ATP10A: variants seen among roughly 807,000 people sequenced by gnomAD.
The protein encoded by ATP10A is phospholipid-transporting ATPase VA.
In ATP10A, 111 loss-of-function variants were observed where a neutral mutation model predicts 147.8. The ratio of observed to expected loss-of-function variants is 0.75; its 90% CI spans 0.64 to 0.88. The LOEUF (loss-of-function observed/expected upper bound fraction) is 0.88, where lower values mean the gene tolerates loss of function less well. ATP10A is among the 40% of genes least tolerant of loss of function. The pLI is 0.00. For synonymous variants in ATP10A, 875 were observed against 841.6 expected (o/e 1.04, Z -0.69); for missense variants, 1,927 against 1,959.0 (o/e 0.98, Z 0.31).
intron 1 of ATP10A, among the ~76,000 whole-genome samples, chr15:25,851,827 G>A (rs897805578): frequency 7.9e-5 from 12 of 152,152 alleles, no homozygotes; most frequent in African/African-American, 2.9e-4. Flanking sequence ...TATTTTGGGA[G>A]CTGAGGTGGG....
intron 1 of ATP10A, among the ~76,000 whole-genome samples, chr15:25,786,986 T>A (rs1417787277): frequency 6.6e-6 from 1 of 152,058 alleles, no homozygotes; most frequent in Non-Finnish European, 1.5e-5. Context: ...AAAGCTGTGC[T>A]GGATATCCTA....
intron 2 of ATP10A, among the ~76,000 whole-genome samples, chr15:25,764,269 C>G (rs749557399): frequency 1.3e-5 from 2 of 152,164 alleles, no homozygotes; most frequent in Non-Finnish European, 2.9e-5. Context: ...CACCGTGCAG[C>G]GCGGGCTTCC....
chr15:25,851,209 C>T (rs920742843), intron 1 of ATP10A, among the ~76,000 whole-genome samples: 7 of 152,026 alleles, frequency 4.6e-5, no homozygotes, highest in Non-Finnish European at 7.4e-5. Flanking sequence ...GGTCTCTGAG[C>T]GGATCTAAAG....
Position 25,718,366 on chromosome 15 carries a change from G to A in ATP10A, c.1397C>T (p.Ser466Leu). The A allele has an allele frequency of 2.5e-6, 4 of 1,607,410 alleles. No homozygotes were observed. Among genetic ancestry groups the A allele is most frequent in the South Asian group, 1.1e-5 (1 of 90,152 alleles). ...TCTGGGCACCACCTCCTCCTCCTCCGAGTCTGCCTCTTGGTACCTGGCCAG... is the reference window on the plus strand; with the variant it reads ...TCTGGGCACCACCTCCTCCTCCTCCAAGTCTGCCTCTTGGTACCTGGCCAG... ...QRLARYQEAD[S>L]EEEEVVPRGG... The change falls in exon 8 of 21, where the codon TCG (serine) becomes TTG (leucine). Residue 466 changes from serine (S) to leucine (L), a missense_variant. Coordinates refer to ENST00000555815, the MANE Select transcript of ATP10A (RefSeq NM_024490.4).
At chr15:25,799,011 T>C (rs1890815185) in intron 1 of ATP10A, among the ~76,000 whole-genome samples, 1 of 152,212 alleles carries the variant, frequency 6.6e-6, no homozygotes, top group Non-Finnish European at 1.5e-5. Context: ...AAGGTGCCTG[T>C]TTGGCCCCTC....
chr15:25,748,890 A>G (rs1887989537), intron 2 of ATP10A, among the ~76,000 whole-genome samples: 1 of 150,902 alleles, frequency 6.6e-6, no homozygotes, highest in African/African-American at 2.4e-5. Flanking sequence ...CCCCATAGCT[A>G]CTAAAAATAC....
chr15:25,747,041 C>T (rs1212259585), intron 2 of ATP10A, among the ~76,000 whole-genome samples: 1 of 152,172 alleles, frequency 6.6e-6, no homozygotes, highest in Non-Finnish European at 1.5e-5. Context: ...AATCCCTACA[C>T]TTTGGGAGGC....
chr15:25,828,674 T>A (rs7164963), intron 1 of ATP10A, among the ~76,000 whole-genome samples: 140,032 of 152,222 alleles, frequency 0.92, 65,200 homozygotes, highest in Non-Finnish European at 0.99. Context: ...CCCGTATTTG[T>A]TATCATTTGT....
intron 1 of ATP10A, among the ~76,000 whole-genome samples, chr15:25,794,800 G>A (rs956755973): frequency 6.6e-6 from 1 of 152,218 alleles, no homozygotes; most frequent in African/African-American, 2.4e-5. Flanking sequence ...CATGCAGATG[G>A]TCATCTTCTC....
chr15:25,797,060 C>T (rs1441642513), intron 1 of ATP10A, among the ~76,000 whole-genome samples: 1 of 150,810 alleles, frequency 6.6e-6, no homozygotes, highest in Middle Eastern at 3.2e-3. Flanking sequence ...CTGTGCTGTA[C>T]AACAGATCCT....
At chr15:25,765,015 C>T (rs1421527426) in intron 2 of ATP10A, among the ~76,000 whole-genome samples, 2 of 152,164 alleles carry the variant, frequency 1.3e-5, no homozygotes, top group African/African-American at 4.8e-5. Context: ...AGTGAGGATG[C>T]AGGACACACA....
chr15:25,776,728 G>A (rs1889623941), intron 2 of ATP10A, among the ~76,000 whole-genome samples: 2 of 152,216 alleles, frequency 1.3e-5, no homozygotes, highest in South Asian at 4.1e-4. Context: ...TGGGGTCTGG[G>A]TGGGCCATGC....
chr15:25,711,583 A>G (rs1375312981), intron 10 of ATP10A, among the ~76,000 whole-genome samples: 1 of 152,084 alleles, frequency 6.6e-6, no homozygotes, highest in Non-Finnish European at 1.5e-5. Flanking sequence ...TCCAAAGCTG[A>G]CTTCATGCAC....
Position 25,713,792 on chromosome 15 carries a change from G to T in ATP10A, c.2226C>A (p.Phe742Leu). Reference sequence around the variant, plus strand: ...CTGACATCCTCTTGCGGACGGAATCGAAACCCAGTGTGTGCAGGAGCTCGA... The same window carrying T: ...CTGACATCCTCTTGCGGACGGAATCTAAACCCAGTGTGTGCAGGAGCTCGA... ...LTFELLHTLG[F>L]DSVRKRMSVV... The change falls in exon 10 of 21, where the codon TTC becomes TTA. Residue 742 changes from phenylalanine (F) to leucine (L), a missense_variant. Phe to Leu is a conservative substitution (Grantham distance 22, BLOSUM62 0). Transcript: ENST00000555815. 2 of 1,614,134 alleles carry T rather than the reference G, an allele frequency of 1.2e-6. No homozygotes were observed. The highest frequency in any genetic ancestry group is 1.1e-5 in the South Asian group (1 of 91,080).
Position 25,736,209 on chromosome 15 carries a change from C to T in ATP10A, c.655-68G>A, listed in dbSNP as rs551979616. The T allele has an allele frequency of 3.2e-4, 419 of 1,311,228 alleles. 2 individuals carry two copies. The highest frequency in any genetic ancestry group is 2.1e-3 in the Middle Eastern group (8 of 3,888). The allele number at this position is 1,311,228 out of a possible 1,614,324, so 81.2% of individuals were successfully genotyped here. On this transcript the variant is annotated intron_variant, in intron 2 of 20. Coordinates refer to ENST00000555815, the MANE Select transcript of ATP10A (RefSeq NM_024490.4). ...GCTGCGCCGTTCTAAAAGGCACTCG[C>T]TTTTCTGTCTCGCATCCGCGGCAGG...
rs561690286 is a variant in ATP10A, at chr15:25,734,181, G to A, written c.740+1875C>T. Among the ~76,000 whole-genome samples the A allele has an allele frequency of 5.6e-4, 85 of 152,184 alleles. 1 individual carries two copies. The highest frequency in any genetic ancestry group is 1.9e-3 in the African/African-American group (77 of 41,490). ...TCCTGCACCGGACCCCGCCCCTCTC[G>A]TCCACCCCAGCAGAGGGCCGTCACC... On this transcript the variant is annotated intron_variant, in intron 3 of 20. Transcript: ENST00000555815.
At chr15:25,768,443 G>T (rs1889143316) in intron 2 of ATP10A, among the ~76,000 whole-genome samples, 1 of 152,106 alleles carries the variant, frequency 6.6e-6, no homozygotes, top group African/African-American at 2.4e-5. Context: ...CTCCCATCCT[G>T]TCCACCCCAA....
downstream of ATP10A, among the ~76,000 whole-genome samples, chr15:25,673,558 C>T (rs986135770): frequency 1.2e-4 from 18 of 152,142 alleles, no homozygotes; most frequent in Non-Finnish European, 2.2e-4. Flanking sequence ...AGCTGGGGGA[C>T]GACGTTGCCC....
At position 25,694,963 on chromosome 15, in the gene ATP10A, C is replaced by T. The variant is rs1176571684; in HGVS notation, c.2944G>A (p.Ala982Thr). The T allele has an allele frequency of 9.9e-6, 16 of 1,614,062 alleles. No individual in the cohort carries two copies. Among genetic ancestry groups the T allele is most frequent in the Non-Finnish European group, 1.3e-5 (15 of 1,180,042 alleles). Residue 982 changes from alanine (A) to threonine (T), a missense_variant, in exon 14 of 21, where the codon GCT becomes ACT. Physicochemically the swap from Ala to Thr is moderately conservative, Grantham distance 58. Transcript: ENST00000555815. ...TTGTCCTCCAGGTTTTTCTCGAGAG[C>T]GTAGGCCAGGCTTCTCCCATCGATC... ...LVIDGRSLAY[A>T]LEKNLEDKFL...
Sources: allele counts gnomAD v4.1 joint callset (sites outside exome capture counted in the v4.1 genomes callset), GRCh38; gene constraint gnomAD v4.1.1; transcripts MANE v1.5; gene names NCBI Gene and HGNC (gene_info 2026-07-23, HGNC 2026-07-21).